The following VGLL4 variants were observed in gnomAD, a reference collection of about 807,000 sequenced individuals.
VGLL4 encodes transcription cofactor vestigial-like protein 4.
A neutral mutation model predicts 21.0 loss-of-function variants in VGLL4; 7 were observed. That is an observed-to-expected ratio of 0.33 (90% confidence interval 0.19 to 0.63). The LOEUF (loss-of-function observed/expected upper bound fraction) is 0.63. Among genes scored for constraint, VGLL4 ranks in the 20% least tolerant of loss-of-function variants. The probability of loss-of-function intolerance (pLI) is 0.78; values close to 1 mark genes in which losing one functional copy is unlikely to be tolerated. For synonymous variants in VGLL4, 222 were observed against 173.2 expected (o/e 1.28, Z -2.21); for missense variants, 394 against 425.7 (o/e 0.93, Z 0.66).
intron 3 of VGLL4, among the ~76,000 whole-genome samples, chr3:11,564,405 A>AC (rs3839099): frequency 0.71 from 106,838 of 151,090 alleles, 39,012 homozygotes; most frequent in Non-Finnish European, 0.81. Flanking sequence ...GAAACGTAGG[A>AC]CCCCCCCACC....
At chr3:11,713,053 A>G (rs367612635) in intron 1 of VGLL4, among the ~76,000 whole-genome samples, 3 of 152,262 alleles carry the variant, frequency 2.0e-5, no homozygotes, top group African/African-American at 7.2e-5. Flanking sequence ...ACAGCCACAG[A>G]GGAGTCAAGC....
intron 2 of VGLL4, among the ~76,000 whole-genome samples, chr3:11,651,162 T>C (rs1179586193): frequency 6.6e-6 from 1 of 151,760 alleles, no homozygotes; most frequent in Non-Finnish European, 1.5e-5. Context: ...GACTAACATA[T>C]TGAAAACCCA....
intron 1 of VGLL4, among the ~76,000 whole-genome samples, chr3:11,641,592 G>A (rs967739575): frequency 1.4e-4 from 21 of 152,168 alleles, no homozygotes; most frequent in African/African-American, 4.8e-4. Context: ...CTCAAATTTT[G>A]CTGTGCTTTC....
intron 1 of VGLL4, among the ~76,000 whole-genome samples, chr3:11,608,797 G>T (rs2075000518): frequency 6.6e-6 from 1 of 152,098 alleles, no homozygotes; most frequent in Non-Finnish European, 1.5e-5. Context: ...TTTTTCAGTG[G>T]TACATAAAAT....
At chr3:11,647,527 G>C (rs1461654526), upstream of VGLL4, among the ~76,000 whole-genome samples, 1 of 152,124 alleles carries the variant, frequency 6.6e-6, no homozygotes, top group African/African-American at 2.4e-5. Flanking sequence ...ATACTTACCA[G>C]TTGAGCATCT....
At chr3:11,562,634 T>C (rs946362762) in intron 3 of VGLL4, among the ~76,000 whole-genome samples, 2 of 152,200 alleles carry the variant, frequency 1.3e-5, no homozygotes, top group African/African-American at 4.8e-5. Context: ...CGGATTGGTG[T>C]GCATGGCCTC....
intron 1 of VGLL4, among the ~76,000 whole-genome samples, chr3:11,642,215 T>C (rs576413008): frequency 6.6e-6 from 1 of 152,074 alleles, no homozygotes; most frequent in Non-Finnish European, 1.5e-5. Flanking sequence ...CAGGAACTAG[T>C]AGGAGTAAAG....
At chr3:11,619,670 T>C (rs1559904214) in intron 1 of VGLL4, among the ~76,000 whole-genome samples, 1 of 152,070 alleles carries the variant, frequency 6.6e-6, no homozygotes, top group Non-Finnish European at 1.5e-5. Context: ...GGAAGGAAGG[T>C]TGGAAAAATC....
chr3:11,711,266 G>A (rs1034575434), intron 1 of VGLL4, among the ~76,000 whole-genome samples: 15 of 151,836 alleles, frequency 9.9e-5, no homozygotes, highest in East Asian at 1.9e-4. Flanking sequence ...TTGGCCAGTC[G>A]TGGTGGTTCA....
At chr3:11,581,516 T>G (rs1265917960) in intron 2 of VGLL4, among the ~76,000 whole-genome samples, 1 of 152,160 alleles carries the variant, frequency 6.6e-6, no homozygotes, top group Non-Finnish European at 1.5e-5. Context: ...CAACCCAGCT[T>G]CATTCGGAAC....
intron 2 of VGLL4, among the ~76,000 whole-genome samples, chr3:11,583,904 C>T (rs138315117): frequency 7.3e-4 from 111 of 152,304 alleles, no homozygotes; most frequent in African/African-American, 2.3e-3. Context: ...GATGGACTGA[C>T]GAAGTGATGA....
intron 2 of VGLL4, among the ~76,000 whole-genome samples, chr3:11,576,578 A>G (rs1460901781): frequency 1.3e-5 from 2 of 152,228 alleles, no homozygotes; most frequent in Non-Finnish European, 2.9e-5. Flanking sequence ...GCATGTCGGC[A>G]TCCTGCCTTG....
At chr3:11,626,091 C>T (rs886700645) in intron 1 of VGLL4, among the ~76,000 whole-genome samples, 2 of 152,162 alleles carry the variant, frequency 1.3e-5, no homozygotes, top group African/African-American at 4.8e-5. Context: ...CTTAAAGAAA[C>T]TATCATCTTT....
At chr3:11,678,623 G>A (rs1251537623) in intron 2 of VGLL4, among the ~76,000 whole-genome samples, 5 of 152,174 alleles carry the variant, frequency 3.3e-5, no homozygotes, top group African/African-American at 9.7e-5. Context: ...AGTCCAGGAG[G>A]TCGAGGCTGC....
At chr3:11,662,061 C>T (rs1334261877) in intron 2 of VGLL4, among the ~76,000 whole-genome samples, 1 of 152,220 alleles carries the variant, frequency 6.6e-6, no homozygotes, top group Non-Finnish European at 1.5e-5. Flanking sequence ...TAGCTGCAGA[C>T]TTTCTGGAAC....
chr3:11,652,237 T>C (rs985038714), intron 2 of VGLL4, among the ~76,000 whole-genome samples: 1 of 152,218 alleles, frequency 6.6e-6, no homozygotes, highest in Non-Finnish European at 1.5e-5. Context: ...CCTTATTTTA[T>C]TTAATATTAA....
rs533706372 is a variant in VGLL4 at position 11,643,902 on chromosome 3, G to A, written c.-384C>T. The A allele has an allele frequency of 9.7e-7, 1 of 1,027,488 alleles. No individual in the cohort carries two copies. The highest frequency in any genetic ancestry group is 1.7e-5 in the African/African-American group (1 of 58,088). The allele number at this position is 1,027,488 out of a possible 1,614,324, so 63.6% of individuals were successfully genotyped here. A position where few individuals can be genotyped will look rare whatever the true frequency, so the allele number is the denominator to read the frequency against. ...CAGCCCGCTGCAAGCCGGCAGCGCT[G>A]ACATGAGGGCTATGCTTGGCATGAC... On this transcript the variant is annotated 5_prime_UTR_variant, in exon 1 of 5. Coordinates refer to ENST00000430365, the MANE Select transcript of VGLL4 (RefSeq NM_001128219.3).
intron 1 of VGLL4, among the ~76,000 whole-genome samples, chr3:11,713,037 G>A (rs1575556158): frequency 1.3e-5 from 2 of 152,094 alleles, no homozygotes; most frequent in East Asian, 3.9e-4. Context: ...AGCGATTTCT[G>A]GGGCCACAGC....
rs368313467 is a variant in VGLL4, at chr3:11,627,286, C to T, written c.82+16151G>A. On this transcript the variant is annotated intron_variant, in intron 1 of 4. Transcript: ENST00000430365. ...AAATTACTGGCCACTGGTGAGAAAA[C>T]CATCAATGTGTCCAGGCGCAGTGGC... 2.7e-5 allele frequency: 4 copies of T among 148,880 alleles called. No homozygotes were observed. The East Asian group carries it at 7.9e-4, about 29-fold the overall frequency. The allele number at this position is 148,880 out of a possible 1,614,324, so 9.2% of individuals were successfully genotyped here. A position where few individuals can be genotyped will look rare whatever the true frequency, so the allele number is the denominator to read the frequency against.
Sources: gnomAD v4.1 joint callset for allele counts (sites outside exome capture counted in the v4.1 genomes callset) on GRCh38, gnomAD v4.1.1 for gene constraint, MANE v1.5 for transcripts, NCBI Gene and HGNC (gene_info 2026-07-23, HGNC 2026-07-21) for gene names.